Variants in MDN1 observed in about 807,000 individuals in gnomAD.
The protein encoded by MDN1 is midasin.
In MDN1, 266 loss-of-function variants were observed where a neutral mutation model predicts 669.2. The observed-to-expected ratio is 0.40, with a 90% CI of 0.36 to 0.44. MDN1 has a LOEUF of 0.44. MDN1 is among the 20% of genes least tolerant of loss of function. The pLI is 1.00. For missense variants in MDN1, 5,940 were observed against 6,754.0 expected (o/e 0.88, Z 4.22); for synonymous variants, 2,385 against 2,457.1 (o/e 0.97, Z 0.87).
rs564396706 is a variant in MDN1, at chr6:89,673,492, G to A, written c.13248-30C>T. On this transcript the variant is annotated intron_variant, in intron 79 of 101. Coordinates refer to ENST00000369393, the MANE Select transcript of MDN1 (RefSeq NM_014611.3). ...AACAGAAATGCCACAATGTTGAAAG[G>A]AATGCATTACAGTTCCCACAAACAC... The A allele has an allele frequency of 1.9e-5, 31 of 1,595,688 alleles. 1 individual carries two copies. The South Asian group carries it at 3.4e-4, about 18-fold the overall frequency.
intron 73 of MDN1, among the ~76,000 whole-genome samples, chr6:89,682,154 T>C (rs763534127): frequency 2.6e-5 from 4 of 152,358 alleles, no homozygotes; most frequent in Admixed American, 6.5e-5. Flanking sequence ...GTAATCAGCA[T>C]CTGCTATAAA....
At chr6:89,725,126 T>C in intron 38 of MDN1, 73 bp downstream of exon 38, 1 of 1,393,762 alleles carries the variant, frequency 7.2e-7, no homozygotes, top group South Asian at 1.2e-5. Context: ...GTGAATATCC[T>C]TAAAGGCTTC....
intron 100 of MDN1, among the ~76,000 whole-genome samples, chr6:89,645,497 T>C (rs965578814): frequency 2.0e-5 from 3 of 152,224 alleles, no homozygotes; most frequent in Non-Finnish European, 4.4e-5. Context: ...CACTAGTTTA[T>C]GGCTATAAAC....
chr6:89,780,384 TG>T (rs1321457223), intron 10 of MDN1, 91 bp from the exon 11 acceptor site: 1 of 635,514 alleles, frequency 1.6e-6, no homozygotes, highest in Non-Finnish European at 2.5e-6. Flanking sequence ...CACTTAAGTC[TG>T]GGCATACCTG....
At chr6:89,690,533 G>A (rs1812312665) in intron 64 of MDN1, 140 bp downstream of exon 64, 5 of 1,086,160 alleles carry the variant, frequency 4.6e-6, no homozygotes, top group Admixed American at 5.5e-5. Flanking sequence ...ACTCCAGCCT[G>A]GGTGATAGAG....
Position 89,723,040 on chromosome 6 carries a change from T to G in MDN1, c.5882A>C (p.Asp1961Ala). Reference sequence around the variant, plus strand: ...AGGATCATAACACCCAGGGGACTGGTCAACCAGCATCAACTGACACCAGCG... The same window carrying G: ...AGGATCATAACACCCAGGGGACTGGGCAACCAGCATCAACTGACACCAGCG... ...LFRWCQLMLV[D>A]QSPGCYDPGQ... The change falls in exon 40 of 102, where the codon GAC becomes GCC. Residue 1961 changes from aspartate to alanine, a missense_variant. By Grantham distance (126) the Asp-to-Ala change is moderately radical. Transcript: ENST00000369393. 2 of 1,614,010 alleles carry G rather than the reference T, an allele frequency of 1.2e-6. No individual in the cohort carries two copies. Among genetic ancestry groups the G allele is most frequent in the East Asian group, 4.5e-5 (2 of 44,882 alleles).
At chr6:89,688,483 G>T (rs1215027418) in intron 66 of MDN1, 90 bp downstream of exon 66, 2 of 1,179,784 alleles carry the variant, frequency 1.7e-6, no homozygotes, top group African/African-American at 1.5e-5. Context: ...GTATATATGT[G>T]CAAGTGGGTG....
At position 89,673,143 on chromosome 6, in the gene MDN1, A is replaced by G. The variant is rs534908085; in HGVS notation, c.13474+93T>C. On this transcript the variant is annotated intron_variant, in intron 80 of 101. Transcript: ENST00000369393. ...CCCTGGACAGGTACATGTAGACCAA[A>G]ATATAATGTGTCTTTTGGACAATGA... is the stretch of plus-strand genomic sequence containing the variant. The G allele has an allele frequency of 1.1e-5, 13 of 1,169,386 alleles. No homozygotes were observed. The South Asian group carries it at 1.8e-4, about 16-fold the overall frequency. 72.4% of individuals were successfully genotyped at this position (1,169,386 alleles called of 1,614,324 possible).
At chr6:89,735,933 T>C (rs1332999211) in intron 33 of MDN1, among the ~76,000 whole-genome samples, 2 of 152,128 alleles carry the variant, frequency 1.3e-5, no homozygotes, top group East Asian at 1.9e-4. Context: ...GGCAGGAGAA[T>C]TGCTTGAACC....
At position 89,762,304 on chromosome 6, in the gene MDN1, G is replaced by A. The variant is rs1178896384; in HGVS notation, c.2356+15C>T. Reference sequence around the variant, plus strand: ...CCCATGCCCTCCCCCATGGCAGCCTGGGTCACATCCTTACCAGTTTCACTG... The same window carrying A: ...CCCATGCCCTCCCCCATGGCAGCCTAGGTCACATCCTTACCAGTTTCACTG... On this transcript the variant is annotated intron_variant, in intron 16 of 101. Coordinates refer to ENST00000369393, the MANE Select transcript of MDN1 (RefSeq NM_014611.3). The A allele has an allele frequency of 6.2e-7, 1 of 1,605,460 alleles. No individual in the cohort carries two copies. The highest frequency in any genetic ancestry group is 8.5e-7 in the Non-Finnish European group (1 of 1,174,018).
At chr6:89,719,300 GCA>G (rs1814653180) in intron 40 of MDN1, 75 bp from the exon 41 acceptor site, 1 of 1,202,378 alleles carries the variant, frequency 8.3e-7, no homozygotes, top group South Asian at 1.3e-5. Context: ...TAGAAAACAA[GCA>G]CAGTGATAAG....
chr6:89,734,856 A>G (rs923517831), intron 33 of MDN1, among the ~76,000 whole-genome samples: 3 of 151,580 alleles, frequency 2.0e-5, no homozygotes, highest in Non-Finnish European at 4.4e-5. Flanking sequence ...CTTTTAGAAT[A>G]TAACACAAGG....
intron 22 of MDN1, 120 bp from the exon 23 acceptor site, chr6:89,751,702 T>C: frequency 2.0e-6 from 2 of 1,018,826 alleles, no homozygotes; most frequent in Non-Finnish European, 2.8e-6. Context: ...CTTTCAACAT[T>C]AAAACTGGAT....
intron 31 of MDN1, among the ~76,000 whole-genome samples, chr6:89,741,522 G>T (rs1816298339): frequency 6.6e-6 from 1 of 151,572 alleles, no homozygotes; most frequent in South Asian, 2.1e-4. Context: ...TAACCAAAAG[G>T]TTAAAATTAC....
At chr6:89,772,761 A>C (rs757008526) in intron 13 of MDN1, 40 bp from the exon 14 acceptor site, 1 of 1,600,802 alleles carries the variant, frequency 6.2e-7, no homozygotes, top group Non-Finnish European at 8.5e-7. Context: ...CCACGCTGCA[A>C]GCTTCTCCTA....
intron 7 of MDN1, among the ~76,000 whole-genome samples, chr6:89,788,817 A>G (rs574510837): frequency 2.6e-5 from 4 of 152,328 alleles, no homozygotes; most frequent in African/African-American, 9.6e-5. Context: ...AGACAATGGG[A>G]TAAGAACAGA....
At chr6:89,741,068 C>T (rs1266614939) in intron 31 of MDN1, among the ~76,000 whole-genome samples, 4 of 151,562 alleles carry the variant, frequency 2.6e-5, no homozygotes, top group African/African-American at 9.7e-5. Context: ...CCCATCTCTA[C>T]TAAAAATACA....
intron 63 of MDN1, among the ~76,000 whole-genome samples, chr6:89,691,234 C>T (rs1812358047): frequency 6.6e-6 from 1 of 152,200 alleles, no homozygotes; most frequent in Non-Finnish European, 1.5e-5. Context: ...AAAAGAAACA[C>T]TTAGACTAGG....
rs1325360486 is a variant in MDN1 at position 89,732,685 on chromosome 6, A to AT, written c.4813dup (p.Ile1605AsnfsTer6). ...GTTCATGAAGTTAACCCAGGACAGG[A>AT]TATCTCTGATACTGACCACACACTT... On this transcript the variant is annotated frameshift_variant, in exon 34 of 102. Transcript: ENST00000369393. LOFTEE classifies it high-confidence loss of function. 1.2e-6 allele frequency: 2 copies of AT among 1,614,034 alleles called. No homozygotes were observed. Among genetic ancestry groups the AT allele is most frequent in the Non-Finnish European group, 1.7e-6 (2 of 1,179,992 alleles).
Sources: allele counts gnomAD v4.1 joint callset (sites outside exome capture counted in the v4.1 genomes callset), GRCh38; gene constraint gnomAD v4.1.1; transcripts MANE v1.5; gene names NCBI Gene and HGNC (gene_info 2026-07-23, HGNC 2026-07-21).